OLFM2: variants seen among roughly 807,000 people sequenced by gnomAD.
OLFM2 encodes noelin-2.
In OLFM2, 20 loss-of-function variants were observed where a neutral mutation model predicts 43.9. The ratio of observed to expected loss-of-function variants is 0.46; its 90% CI spans 0.32 to 0.66. The LOEUF (loss-of-function observed/expected upper bound fraction) is 0.66. OLFM2 is among the 30% of genes least tolerant of loss of function. The pLI is 0.04. For synonymous variants in OLFM2, 268 were observed against 278.6 expected (o/e 0.96, Z 0.38); for missense variants, 416 against 643.6 (o/e 0.65, Z 3.83).
intron 1 of OLFM2, among the ~76,000 whole-genome samples, chr19:9,863,417 G>C (rs576362939): frequency 6.6e-6 from 1 of 152,006 alleles, no homozygotes; most frequent in Non-Finnish European, 1.5e-5. Context: ...TCTAGGGAAC[G>C]AGGGAGGGAG....
intron 1 of OLFM2, among the ~76,000 whole-genome samples, chr19:9,883,785 G>A (rs1362699908): frequency 6.6e-6 from 1 of 152,112 alleles, no homozygotes; most frequent in Non-Finnish European, 1.5e-5. Flanking sequence ...CGTGTGCCAG[G>A]CATTTTGCAT....
At chr19:9,893,128 CAT>C (rs2145467712) in intron 1 of OLFM2, among the ~76,000 whole-genome samples, 1 of 152,130 alleles carries the variant, frequency 6.6e-6, no homozygotes, top group East Asian at 1.9e-4. Context: ...TCTAGTCTGT[CAT>C]AGAGTCAAAC....
rs555961963 is a variant in OLFM2, at chr19:9,916,810, C to G, written c.63+19494G>C. ...CCAAAACTCTTCTCACCAAAGGTGCCAATTTGCCAGGTCCACACCCTCATG... is the reference window on the plus strand; with the variant it reads ...CCAAAACTCTTCTCACCAAAGGTGCGAATTTGCCAGGTCCACACCCTCATG... On this transcript the variant is annotated intron_variant, in intron 1 of 5. Transcript: ENST00000264833. 1.4e-4 allele frequency among the ~76,000 whole-genome samples: 21 copies of G among 152,264 alleles called. 1 individual carries two copies. The South Asian group carries it at 1.5e-3, about 11-fold the overall frequency.
intron 1 of OLFM2, among the ~76,000 whole-genome samples, chr19:9,931,708 C>CAA (rs202150159): frequency 5.1e-5 from 6 of 117,750 alleles, no homozygotes; most frequent in African/African-American, 2.4e-4. Flanking sequence ...GACTCCATCT[C>CAA]AAAAATAAAA....
chr19:9,862,182 T>C (rs1357575040), intron 1 of OLFM2, among the ~76,000 whole-genome samples: 2 of 152,108 alleles, frequency 1.3e-5, no homozygotes, highest in African/African-American at 4.8e-5. Flanking sequence ...TTAATGCCAG[T>C]GATACTTCTA....
intron 1 of OLFM2, among the ~76,000 whole-genome samples, chr19:9,906,170 G>C (rs959586373): frequency 6.6e-6 from 1 of 152,276 alleles, no homozygotes; most frequent in East Asian, 1.9e-4. Flanking sequence ...TGGCCACCTT[G>C]CCCTTCCAGA....
rs145728493 is a variant in OLFM2 at position 9,921,491 on chromosome 19, A to ATT, written c.63+14811_63+14812dup. ...GAAAAAATTATTTGAACTACATTAA[A>ATT]TTTTTTTTTTTTTTTGAGACGGAGT... is the stretch of plus-strand genomic sequence containing the variant. On this transcript the variant is annotated intron_variant, in intron 1 of 5. Coordinates refer to ENST00000264833, the MANE Select transcript of OLFM2 (RefSeq NM_058164.4). Among the ~76,000 whole-genome samples the ATT allele has an allele frequency of 2.5e-3, 357 of 142,038 alleles. 1 individual carries two copies. Among genetic ancestry groups the ATT allele is most frequent in the African/African-American group, 8.6e-3 (336 of 39,048 alleles). The allele number at this position is 142,038 out of a possible 152,430, so 93.2% of individuals were successfully genotyped here. A position where few individuals can be genotyped will look rare whatever the true frequency, so the allele number is the denominator to read the frequency against.
At chr19:9,931,096 T>G (rs1475397091) in intron 1 of OLFM2, among the ~76,000 whole-genome samples, 3 of 152,180 alleles carry the variant, frequency 2.0e-5, no homozygotes, top group Non-Finnish European at 4.4e-5. Context: ...AGGGGCTCTT[T>G]CCTACACTAA....
intron 1 of OLFM2, among the ~76,000 whole-genome samples, chr19:9,908,098 C>T (rs902863036): frequency 6.6e-6 from 1 of 152,004 alleles, no homozygotes; most frequent in African/African-American, 2.4e-5. Context: ...CATCACCTTC[C>T]TTCCCTCACC....
At chr19:9,904,988 C>T (rs1161790773) in intron 1 of OLFM2, among the ~76,000 whole-genome samples, 2 of 151,864 alleles carry the variant, frequency 1.3e-5, no homozygotes, top group East Asian at 1.9e-4. Flanking sequence ...CATTGCACTA[C>T]AGTCTGGGTG....
intron 1 of OLFM2, among the ~76,000 whole-genome samples, chr19:9,865,150 CCTT>C (rs1272275385): frequency 1.4e-5 from 2 of 144,958 alleles, no homozygotes; most frequent in Admixed American, 1.5e-4. Context: ...CTCCCACCTC[CCTT>C]CTTCTTCTTC....
intron 1 of OLFM2, among the ~76,000 whole-genome samples, chr19:9,863,093 G>A (rs971393084): frequency 6.6e-6 from 1 of 151,982 alleles, no homozygotes; most frequent in Admixed American, 6.6e-5. Context: ...CTTTGTTCAA[G>A]ACCTGAAGGA....
intron 1 of OLFM2, chr19:9,913,436 C>T (rs1005484951): frequency 6.9e-6 from 7 of 1,011,012 alleles, no homozygotes; most frequent in African/African-American, 5.2e-5. Context: ...GGCTGTGGCG[C>T]GGGTACCACG....
At chr19:9,891,250 T>G (rs192779146) in intron 1 of OLFM2, among the ~76,000 whole-genome samples, 13 of 146,312 alleles carry the variant, frequency 8.9e-5, no homozygotes, top group Non-Finnish European at 1.6e-4. Context: ...GAGGCAGAGG[T>G]TGCAGTGAGC....
chr19:9,862,874 C>G (rs2046374191), intron 1 of OLFM2, among the ~76,000 whole-genome samples: 1 of 151,822 alleles, frequency 6.6e-6, no homozygotes, highest in Non-Finnish European at 1.5e-5. Context: ...ACTTGGGAGC[C>G]TGAGGCAGGA....
rs577553589 is a variant in OLFM2, at chr19:9,870,222, C to T, written c.64-9428G>A. Reference sequence around the variant, plus strand: ...GGGATTACTGGCCTGAGTCATCACACGCTGCCCTGCTATTATTATCTTCAT... The same window carrying T: ...GGGATTACTGGCCTGAGTCATCACATGCTGCCCTGCTATTATTATCTTCAT... On this transcript the variant is annotated intron_variant, in intron 1 of 5. Coordinates refer to ENST00000264833, the MANE Select transcript of OLFM2 (RefSeq NM_058164.4). 3.9e-5 allele frequency among the ~76,000 whole-genome samples: 6 copies of T among 152,278 alleles called. No individual in the cohort carries two copies. The East Asian group carries it at 9.6e-4, about 24-fold the overall frequency.
At chr19:9,907,227 G>A (rs912751869) in intron 1 of OLFM2, among the ~76,000 whole-genome samples, 3 of 152,138 alleles carry the variant, frequency 2.0e-5, no homozygotes, top group East Asian at 1.9e-4. Flanking sequence ...TAGCTGAGGC[G>A]GGTGGATCAC....
intron 1 of OLFM2, among the ~76,000 whole-genome samples, chr19:9,903,008 G>A (rs1479046832): frequency 2.0e-5 from 3 of 151,362 alleles, no homozygotes; most frequent in African/African-American, 4.9e-5. Context: ...AGACAGCCTC[G>A]ATTTCCTGAA....
At chr19:9,911,201 G>GAGT (rs980540742) in intron 1 of OLFM2, among the ~76,000 whole-genome samples, 7 of 152,188 alleles carry the variant, frequency 4.6e-5, no homozygotes. Flanking sequence ...GCACTGGCCA[G>GAGT]AGTCATAGAG....
Sources: gnomAD v4.1 joint callset for allele counts (sites outside exome capture counted in the v4.1 genomes callset) on GRCh38, gnomAD v4.1.1 for gene constraint, MANE v1.5 for transcripts, NCBI Gene and HGNC (gene_info 2026-07-23, HGNC 2026-07-21) for gene names.